The following FREM1 variants were observed in gnomAD, a reference collection of about 807,000 sequenced individuals.
The protein encoded by FREM1 is FRAS1 related extracellular matrix 1, also known as FRAS1-related extracellular matrix protein 1.
In FREM1, 220 loss-of-function variants were observed where a neutral mutation model predicts 210.1. That is an observed-to-expected ratio of 1.05 (90% CI 0.94 to 1.17). The LOEUF is 1.17. Among genes scored for constraint, FREM1 ranks in the 50% most tolerant of loss-of-function variants. The pLI, the probability that FREM1 is intolerant of heterozygous loss-of-function variation, is 0.00. For missense variants in FREM1, 3,454 were observed against 2,675.5 expected (o/e 1.29, Z -6.42); for synonymous variants, 1,189 against 980.2 (o/e 1.21, Z -3.98).
intron 27 of FREM1, among the ~76,000 whole-genome samples, chr9:14,765,174 C>T (rs1463098520): frequency 2.6e-5 from 4 of 152,152 alleles, no homozygotes; most frequent in African/African-American, 9.7e-5. Flanking sequence ...TTCAAGTATC[C>T]AATCTAAGAC....
At chr9:14,795,693 G>C (rs1412213274) in intron 21 of FREM1, among the ~76,000 whole-genome samples, 1 of 152,152 alleles carries the variant, frequency 6.6e-6, no homozygotes, top group African/African-American at 2.4e-5. Context: ...GAGTTGAGTG[G>C]GTGCCTAGTG....
intron 30 of FREM1, among the ~76,000 whole-genome samples, chr9:14,749,090 C>A (rs1842919069): frequency 6.6e-6 from 1 of 152,284 alleles, no homozygotes. Flanking sequence ...TAAAACTTTT[C>A]TCTTAGTTGC....
intron 22 of FREM1, 113 bp from the exon 23 acceptor site, chr9:14,789,227 G>A (rs1283772728): frequency 6.4e-6 from 4 of 625,282 alleles, no homozygotes; most frequent in Non-Finnish European, 4.9e-6. Flanking sequence ...AATATTTCAG[G>A]GAAATTCCAG....
chr9:14,898,463 C>T (rs573921891), intron 1 of FREM1, among the ~76,000 whole-genome samples: 2 of 152,220 alleles, frequency 1.3e-5, no homozygotes, highest in East Asian at 1.9e-4. Flanking sequence ...AGAATGCAGC[C>T]GGGTGTGGTG....
intron 8 of FREM1, among the ~76,000 whole-genome samples, chr9:14,844,666 C>G (rs550709312): frequency 6.0e-4 from 92 of 152,328 alleles, no homozygotes; most frequent in African/African-American, 2.2e-3. Context: ...CTACCAGAAT[C>G]CTAGTTGTAT....
chr9:14,769,817 A>G lies in FREM1; in HGVS notation c.5111T>C (p.Ile1704Thr). Residue 1704 changes from isoleucine (I) to threonine (T), a missense_variant, in exon 27 of 37, where the codon ATT (isoleucine) becomes ACT (threonine). Ile to Thr is a moderately conservative substitution (Grantham distance 89, BLOSUM62 -1). Coordinates refer to ENST00000380880, the MANE Select transcript of FREM1 (RefSeq NM_001379081.2). ...CAAAGATGGGTTTATGATGTAAAGA[A>G]TAGTCTTACTGTTTAAGTCCTTTTG... ...FSQKDLNSKT[I>T]LYIINPSLEV... 6.2e-7 allele frequency: 1 copy of G among 1,607,384 alleles called. No homozygotes were observed. Among genetic ancestry groups the G allele is most frequent in the Non-Finnish European group, 8.5e-7 (1 of 1,175,120 alleles).
chr9:14,882,928 A>AAAAAAAAAAAAAG (rs1835066315), intron 1 of FREM1, among the ~76,000 whole-genome samples: 1 of 148,690 alleles, frequency 6.7e-6, no homozygotes, highest in Non-Finnish European at 1.5e-5. Flanking sequence ...AAAAAAAAAA[A>AAAAAAAAAAAAAG]GGAATCACCC....
At chr9:14,789,142 C>T (rs2132974798) in intron 22 of FREM1, 28 bp from the exon 23 acceptor site, 5 of 1,491,112 alleles carry the variant, frequency 3.4e-6, no homozygotes, top group Non-Finnish European at 4.5e-6. Flanking sequence ...TAGTCAGCTG[C>T]TCATGGTTTT....
At position 14,836,289 on chromosome 9, in the gene FREM1, G is replaced by A. The variant is rs1483214538; in HGVS notation, c.1881+5158C>T. Among the ~76,000 whole-genome samples the A allele has an allele frequency of 1.3e-5, 2 of 152,230 alleles. No individual in the cohort carries two copies. Among genetic ancestry groups the A allele is most frequent in the African/African-American group, 2.4e-5 (1 of 41,460 alleles). ...TATTGGACAGAGAGTTTTCATTGCT[G>A]TAGTATTTTGCTTAATTATTATCCT... On this transcript the variant is annotated intron_variant, in intron 10 of 36. Coordinates refer to ENST00000380880, the MANE Select transcript of FREM1 (RefSeq NM_001379081.2). This position sits in a 1 kb window ranked among gnomAD's most constrained non-coding sequence, Gnocchi z 4.9.
chr9:14,826,962 C>A (rs1822574338), intron 10 of FREM1, among the ~76,000 whole-genome samples: 3 of 152,158 alleles, frequency 2.0e-5, no homozygotes, highest in African/African-American at 7.2e-5. Flanking sequence ...TTATACATTA[C>A]CCAGTCTCAG....
At position 14,753,702 on chromosome 9, in the gene FREM1, T is replaced by G. The variant is rs1013557739; in HGVS notation, c.5407+2672A>C. On this transcript the variant is annotated intron_variant, in intron 29 of 36. Coordinates refer to ENST00000380880, the MANE Select transcript of FREM1 (RefSeq NM_001379081.2). Reference sequence around the variant, plus strand: ...TTGGTAAAAGGGGTGGATATGGGGATGGGGACACCAGACCCAGAAGAGGCA... The same window carrying G: ...TTGGTAAAAGGGGTGGATATGGGGAGGGGGACACCAGACCCAGAAGAGGCA... Among the ~76,000 whole-genome samples the G allele has an allele frequency of 1.1e-4, 17 of 152,288 alleles. No homozygotes were observed. In the South Asian group the frequency reaches 1.2e-3, roughly 11 times the overall value.
At chr9:14,886,586 A>G (rs1835858508) in intron 1 of FREM1, among the ~76,000 whole-genome samples, 1 of 152,032 alleles carries the variant, frequency 6.6e-6, no homozygotes, top group African/African-American at 2.4e-5. Flanking sequence ...GCTAGTCAGA[A>G]GCTAAACTTA....
intron 4 of FREM1, among the ~76,000 whole-genome samples, chr9:14,858,053 G>C (rs1374341997): frequency 6.6e-6 from 1 of 152,140 alleles, no homozygotes; most frequent in African/African-American, 2.4e-5. Flanking sequence ...GTGACTCACT[G>C]CAGGCCTTCC....
At chr9:14,907,425 C>A (rs1588697112) in intron 1 of FREM1, among the ~76,000 whole-genome samples, 1 of 152,284 alleles carries the variant, frequency 6.6e-6, no homozygotes, top group South Asian at 2.1e-4. Flanking sequence ...CCTGGTAGCA[C>A]AAAAGCTGTT....
intron 1 of FREM1, among the ~76,000 whole-genome samples, chr9:14,874,848 T>C (rs1296705688): frequency 6.6e-6 from 1 of 152,196 alleles, no homozygotes; most frequent in Non-Finnish European, 1.5e-5. Context: ...CAGGAGCTCT[T>C]TTAGGGCAGG....
intron 5 of FREM1, among the ~76,000 whole-genome samples, chr9:14,854,135 A>C (rs1319202457): frequency 6.6e-6 from 1 of 152,214 alleles, no homozygotes; most frequent in Non-Finnish European, 1.5e-5. Context: ...TTACAAATAT[A>C]GGCTTAAGAA....
chr9:14,849,178 T>G (rs1564070708), intron 6 of FREM1, among the ~76,000 whole-genome samples: 1 of 152,128 alleles, frequency 6.6e-6, no homozygotes, highest in East Asian at 1.9e-4. Context: ...GAGGCATTTT[T>G]AATTTCAGAA....
Position 14,739,588 on chromosome 9 carries a change from C to G in FREM1, c.6340+561G>C, listed in dbSNP as rs569759899. ...ATATATATTTATATTTATACATACA[C>G]CACATGCATATAATTGTTTTTATTC... On this transcript the variant is annotated intron_variant, in intron 36 of 36. Transcript: ENST00000380880. Among the ~76,000 whole-genome samples, 3 of 147,290 alleles carry G rather than the reference C, an allele frequency of 2.0e-5. No individual in the cohort carries two copies. In the South Asian group the frequency reaches 6.4e-4, roughly 31 times the overall value.
chr9:14,833,968 A>G (rs760065123), intron 10 of FREM1, among the ~76,000 whole-genome samples: 4 of 152,200 alleles, frequency 2.6e-5, no homozygotes, highest in Admixed American at 6.5e-5. Context: ...TGTTTTCCTC[A>G]TAAAACCCCA....
Sources: allele counts gnomAD v4.1 joint callset (sites outside exome capture counted in the v4.1 genomes callset), GRCh38; gene constraint gnomAD v4.1.1; non-coding constraint Gnocchi (gnomAD v3.1); transcripts MANE v1.5; gene names NCBI Gene and HGNC (gene_info 2026-07-23, HGNC 2026-07-21).